CHD6: variants seen among roughly 807,000 people sequenced by gnomAD.
CHD6 encodes the protein chromodomain helicase DNA binding protein 6.
In CHD6, 50 loss-of-function variants were observed where a neutral mutation model predicts 276.9. The observed-to-expected ratio is 0.18, with a 90% CI of 0.14 to 0.23. The LOEUF (loss-of-function observed/expected upper bound fraction) is 0.23, where lower values mean the gene tolerates loss of function less well. Among genes scored for constraint, CHD6 ranks in the 10% least tolerant of loss-of-function variants. The pLI is 1.00. For missense variants in CHD6, 2,564 were observed against 3,365.8 expected, an observed-to-expected ratio of 0.76 and a Z score of 5.89; for synonymous variants, 1,173 against 1,229.3, an observed-to-expected ratio of 0.95 and a Z score of 0.96.
chr20:41,493,828 G>T (rs1224535803), intron 9 of CHD6, 30 bp downstream of exon 9: 2 of 1,592,664 alleles, frequency 1.3e-6, no homozygotes, highest in South Asian at 1.1e-5. Flanking sequence ...GGAAAGAAGG[G>T]AAGATGCTTC....
chr20:41,507,245 T>C (rs985268005), intron 5 of CHD6, among the ~76,000 whole-genome samples: 1 of 152,200 alleles, frequency 6.6e-6, no homozygotes, highest in Non-Finnish European at 1.5e-5. Context: ...TTCAGAATAT[T>C]TAACTAGGAC....
At position 41,570,840 on chromosome 20, in the gene CHD6, TTTC is replaced by T. The variant is rs2045408785; in HGVS notation, c.-23-19483_-23-19481del. Reference sequence around the variant, plus strand: ...TTCTGTTCACAGTGTAATGCCAGAGTTTCTTAACAACCTCTGTTTTCTGTGAAC... The same window carrying T: ...TTCTGTTCACAGTGTAATGCCAGAGTTTAACAACCTCTGTTTTCTGTGAAC... On this transcript the variant is annotated intron_variant, in intron 1 of 36. Coordinates refer to ENST00000373233, the MANE Select transcript of CHD6 (RefSeq NM_032221.5). 2.0e-5 allele frequency among the ~76,000 whole-genome samples: 3 copies of T among 152,280 alleles called. No homozygotes were observed. The East Asian group carries it at 5.8e-4, about 29-fold the overall frequency.
At position 41,451,852 on chromosome 20, in the gene CHD6, T is replaced by C. The variant is rs1486593700; in HGVS notation, c.3497A>G (p.Gln1166Arg). Residue 1166 changes from glutamine to arginine, a missense_variant, in exon 22 of 37, where the codon CAA becomes CGA. Physicochemically the swap from Gln to Arg is conservative, Grantham distance 43. Coordinates refer to ENST00000373233, the MANE Select transcript of CHD6 (RefSeq NM_032221.5). ...TGAGTGGTTCTGGAGGGTCTGGGCT[T>C]GCCCATCTTTGGTAGGTGTGATCAG... ...WELITPTKDG[Q>R]AQTLQNHSGL... is the part of the protein sequence containing the mutation. 4.3e-6 allele frequency: 7 copies of C among 1,614,058 alleles called. No homozygotes were observed. Among genetic ancestry groups the C allele is most frequent in the Middle Eastern group, 1.6e-4 (1 of 6,082 alleles).
intron 16 of CHD6, among the ~76,000 whole-genome samples, chr20:41,481,574 A>T (rs1326508584): frequency 6.6e-6 from 1 of 152,156 alleles, no homozygotes; most frequent in Non-Finnish European, 1.5e-5. Context: ...AATATGGAAA[A>T]AAGCATTCTC....
At chr20:41,610,637 T>G (rs1268372304) in intron 1 of CHD6, among the ~76,000 whole-genome samples, 2 of 152,142 alleles carry the variant, frequency 1.3e-5, no homozygotes, top group Non-Finnish European at 2.9e-5. Context: ...TGCAGGCACC[T>G]GTAGTCCCAG....
intron 8 of CHD6, among the ~76,000 whole-genome samples, chr20:41,495,184 C>T (rs2043653757): frequency 6.6e-6 from 1 of 152,080 alleles, no homozygotes; most frequent in African/African-American, 2.4e-5. Flanking sequence ...TCACAATAGT[C>T]AAGATTACGG....
At chr20:41,574,771 A>ATTTT (rs2045455739) in intron 1 of CHD6, among the ~76,000 whole-genome samples, 1 of 152,240 alleles carries the variant, frequency 6.6e-6, no homozygotes, top group Non-Finnish European at 1.5e-5. Flanking sequence ...ATGAGAACCA[A>ATTTT]GAAAAAGAGT....
rs116573530 is a variant in CHD6 at position 41,483,097 on chromosome 20, T to C, written c.2468+212A>G. Among the ~76,000 whole-genome samples the C allele has an allele frequency of 3.9e-3, 590 of 152,272 alleles. 3 individuals are homozygous for C. Among genetic ancestry groups the C allele is most frequent in the African/African-American group, 0.013 (560 of 41,552 alleles). On this transcript the variant is annotated intron_variant, in intron 16 of 36. Transcript: ENST00000373233. ...TTTTAAGCAAAGCAAGGACTGTACATCATAGGTCATGAAATTTACTCTTGA... is the reference window on the plus strand; with the variant it reads ...TTTTAAGCAAAGCAAGGACTGTACACCATAGGTCATGAAATTTACTCTTGA...
chr20:41,586,583 C>G (rs534667775), intron 1 of CHD6, among the ~76,000 whole-genome samples: 1 of 152,288 alleles, frequency 6.6e-6, no homozygotes, highest in South Asian at 2.1e-4. Flanking sequence ...AGCGGCCCAC[C>G]ACCATCTTGG....
chr20:41,486,373 A>G (rs2043414325), intron 14 of CHD6: 1 of 152,226 alleles, frequency 6.6e-6, no homozygotes, highest in Admixed American at 6.5e-5. Context: ...CCACAAATTA[A>G]GTGCAATGGG....
At chr20:41,457,191 G>A (rs1235291505) in intron 18 of CHD6, 73 bp downstream of exon 18, 52 of 1,537,224 alleles carry the variant, frequency 3.4e-5, no homozygotes, top group Non-Finnish European at 4.6e-5. Context: ...TTAAACAGCT[G>A]TAAGAAGAGA....
At chr20:41,409,967 T>G (rs1422066523) in intron 36 of CHD6, among the ~76,000 whole-genome samples, 1 of 152,120 alleles carries the variant, frequency 6.6e-6, no homozygotes, top group African/African-American at 2.4e-5. Flanking sequence ...GAGTAACCAC[T>G]AGGTAGTGGG....
At chr20:41,610,160 G>A (rs2045871812) in intron 1 of CHD6, among the ~76,000 whole-genome samples, 1 of 151,920 alleles carries the variant, frequency 6.6e-6, no homozygotes, top group South Asian at 2.1e-4. Context: ...CCCGGCCTAT[G>A]TTTATTTCTA....
chr20:41,430,182 A>G (rs2047491673), intron 27 of CHD6, among the ~76,000 whole-genome samples: 2 of 152,238 alleles, frequency 1.3e-5, no homozygotes, highest in African/African-American at 4.8e-5. Flanking sequence ...GAATCCGTTT[A>G]TAATCTGTCC....
At chr20:41,442,668 T>G (rs1035106177) in intron 25 of CHD6, among the ~76,000 whole-genome samples, 2 of 152,170 alleles carry the variant, frequency 1.3e-5, no homozygotes, top group African/African-American at 2.4e-5. Context: ...TCTGAGAAGC[T>G]GTCACCTGGT....
At chr20:41,458,519 G>C (rs1484746807) in intron 17 of CHD6, among the ~76,000 whole-genome samples, 1 of 152,194 alleles carries the variant, frequency 6.6e-6, no homozygotes, top group Non-Finnish European at 1.5e-5. Flanking sequence ...CAACTCTGCA[G>C]TATTTGAATG....
At chr20:41,477,362 T>C (rs1441873748) in intron 16 of CHD6, among the ~76,000 whole-genome samples, 1 of 152,154 alleles carries the variant, frequency 6.6e-6, no homozygotes, top group African/African-American at 2.4e-5. Context: ...GTATACATAA[T>C]ATCTCCCTAT....
At chr20:41,551,084 T>C (rs1259471536) in intron 2 of CHD6, among the ~76,000 whole-genome samples, 4 of 152,228 alleles carry the variant, frequency 2.6e-5, no homozygotes, top group Non-Finnish European at 5.9e-5. Flanking sequence ...TATTCTGATA[T>C]ACAGTTTTCA....
chr20:41,417,977 A>G (rs571040716), intron 31 of CHD6, among the ~76,000 whole-genome samples: 1 of 152,374 alleles, frequency 6.6e-6, no homozygotes, highest in East Asian at 1.9e-4. Context: ...ATCCACTTAC[A>G]GGAAATGAAC....
Sources: allele counts gnomAD v4.1 joint callset (sites outside exome capture counted in the v4.1 genomes callset), GRCh38; gene constraint gnomAD v4.1.1; transcripts MANE v1.5; gene names NCBI Gene and HGNC (gene_info 2026-07-23, HGNC 2026-07-21).